OLFM2: variants seen among roughly 807,000 people sequenced by gnomAD.
OLFM2 encodes olfactomedin 2.
In OLFM2, 20 loss-of-function variants were observed where a neutral mutation model predicts 43.9. The observed-to-expected ratio is 0.46, with a 90% CI of 0.32 to 0.66. The LOEUF is 0.66. Among genes scored for constraint, OLFM2 ranks in the 30% least tolerant of loss-of-function variants. The pLI is 0.04. For synonymous variants in OLFM2, 268 were observed against 278.6 expected, an observed-to-expected ratio of 0.96 and a Z score of 0.38; for missense variants, 416 against 643.6, an observed-to-expected ratio of 0.65 and a Z score of 3.83.
intron 1 of OLFM2, among the ~76,000 whole-genome samples, chr19:9,901,487 T>C (rs1330388522): frequency 6.6e-6 from 1 of 152,140 alleles, no homozygotes; most frequent in Non-Finnish European, 1.5e-5. Context: ...GTTGGTGTGG[T>C]GAGCAGGGCT....
chr19:9,935,493 TAC>T (rs998066045), intron 1 of OLFM2, among the ~76,000 whole-genome samples: 4 of 151,854 alleles, frequency 2.6e-5, no homozygotes, highest in East Asian at 1.9e-4. Flanking sequence ...GGCACCAAGA[TAC>T]ACACACACAC....
At chr19:9,893,176 T>TC (rs2145467800) in intron 1 of OLFM2, among the ~76,000 whole-genome samples, 1 of 151,914 alleles carries the variant, frequency 6.6e-6, no homozygotes, top group Non-Finnish European at 1.5e-5. Context: ...TTTTTCTTTT[T>TC]TTTTTTGAGA....
At chr19:9,880,282 C>T (rs1157685830) in intron 1 of OLFM2, among the ~76,000 whole-genome samples, 1 of 152,178 alleles carries the variant, frequency 6.6e-6, no homozygotes, top group Non-Finnish European at 1.5e-5. Context: ...ATCCGTTCAT[C>T]CCAGAAATAT....
rs143604139 is a variant in OLFM2 at position 9,889,093 on chromosome 19, A to C, written c.64-28299T>G. 5.3e-3 allele frequency among the ~76,000 whole-genome samples: 808 copies of C among 151,602 alleles called. 2 individuals are homozygous for C. Among genetic ancestry groups the C allele is most frequent in the Admixed American group, 8.6e-3 (131 of 15,222 alleles). On this transcript the variant is annotated intron_variant, in intron 1 of 5. Transcript: ENST00000264833. ...AAAAAAAAAAACAATTCTGCACAAC[A>C]ACCATATGAGGTAGGAACTCTCGGT...
chr19:9,904,384 T>C (rs1011574778), intron 1 of OLFM2, among the ~76,000 whole-genome samples: 2 of 151,824 alleles, frequency 1.3e-5, no homozygotes, highest in Non-Finnish European at 2.9e-5. Context: ...AGAGACAGGG[T>C]TTCACCATGT....
In OLFM2 at chr19:9,857,583, C is replaced by T; in HGVS notation, c.361-101G>A. On this transcript the variant is annotated intron_variant, in intron 3 of 5. Coordinates refer to ENST00000264833, the MANE Select transcript of OLFM2 (RefSeq NM_058164.4). The surrounding 1 kb of genome is among the most constrained non-coding windows in gnomAD (Gnocchi z 5.7). ...ATAACTTCACCCTTTGTCTTTGATG[C>T]ACACCTGGCCCTTGACATGTGGCTC... 1 of 1,553,364 alleles carries T rather than the reference C, an allele frequency of 6.4e-7. No individual in the cohort carries two copies. The highest frequency in any genetic ancestry group is 8.8e-7 in the Non-Finnish European group (1 of 1,132,842).
intron 1 of OLFM2, among the ~76,000 whole-genome samples, chr19:9,930,486 T>A: frequency 6.6e-6 from 1 of 151,802 alleles, no homozygotes; most frequent in Non-Finnish European, 1.5e-5. Flanking sequence ...AGCCCAGGAG[T>A]TGGAGGCTTC....
At chr19:9,909,296 T>C (rs1208730402) in intron 1 of OLFM2, among the ~76,000 whole-genome samples, 1 of 152,106 alleles carries the variant, frequency 6.6e-6, no homozygotes, top group Non-Finnish European at 1.5e-5. Flanking sequence ...AAGATTCAGG[T>C]ATTTTACTTC....
Position 9,865,485 on chromosome 19 carries a change from C to CTTTTT in OLFM2, c.64-4696_64-4692dup, listed in dbSNP as rs71188847. Among the ~76,000 whole-genome samples, 162 of 73,638 alleles carry CTTTTT rather than the reference C, an allele frequency of 2.2e-3. 4 individuals carry two copies. The highest frequency in any genetic ancestry group is 2.6e-3 in the African/African-American group (45 of 17,446). The allele number at this position is 73,638 out of a possible 152,430, so 48.3% of individuals were successfully genotyped here. A position where few individuals can be genotyped will look rare whatever the true frequency, so the allele number is the denominator to read the frequency against. On this transcript the variant is annotated intron_variant, in intron 1 of 5. Transcript: ENST00000264833. The stretch of plus-strand genomic sequence containing the variant: ...AGTCACTGTTACCTCTCTGTTTTTT[C>CTTTTT]TTTTTTTTTTTTTTTTTTTTTTTTG...
Position 9,853,858 on chromosome 19 carries a change from A to AG in OLFM2, c.*327dup, listed in dbSNP as rs1343913671. The AG allele has an allele frequency of 2.0e-6, 1 of 506,316 alleles. No individual in the cohort carries two copies. Among genetic ancestry groups the AG allele is most frequent in the Admixed American group, 3.8e-5 (1 of 26,312 alleles). 31.4% of individuals were successfully genotyped at this position (506,316 alleles called of 1,614,324 possible). Reference sequence around the variant, plus strand: ...GATGAGGAATGGGTGGGAAGCAAGGAGGGAGGGGTGGAAGGACAGAGAGAG... The same window carrying AG: ...GATGAGGAATGGGTGGGAAGCAAGGAGGGGAGGGGTGGAAGGACAGAGAGAG... On this transcript the variant is annotated 3_prime_UTR_variant, in exon 6 of 6. Transcript: ENST00000264833.
rs1221633395 is a variant in OLFM2, at chr19:9,854,501, C to T, written c.1050G>A (p.Leu350=). ...GCATGACCTCGAGGGTGTGCGGGTC[C>T]AGCCGGCTGACCACGATGTTGCCCG... ...QNAGNIVVSR[L]DPHTLEVMRS... The change falls in exon 6 of 6, where the codon CTG becomes CTA. Residue 350 remains leucine (L), a synonymous_variant. Transcript: ENST00000264833. This position sits in a 1 kb window ranked among gnomAD's most constrained non-coding sequence, Gnocchi z 9.5. 1 of 1,613,810 alleles carries T rather than the reference C, an allele frequency of 6.2e-7. No homozygotes were observed. Among genetic ancestry groups the T allele is most frequent in the Non-Finnish European group, 8.5e-7 (1 of 1,180,042 alleles).
In OLFM2 at chr19:9,936,275, G is replaced by A. The variant is rs1195972275; in HGVS notation, c.63+29C>T. On this transcript the variant is annotated intron_variant, in intron 1 of 5. Coordinates refer to ENST00000264833, the MANE Select transcript of OLFM2 (RefSeq NM_058164.4). ...CCCCCCTCCTCTCCCGGAGCCACCC[G>A]CGCCCGCACCTGCCCGCCGGGCCCC... 4 of 1,525,830 alleles carry A rather than the reference G, an allele frequency of 2.6e-6. No individual in the cohort carries two copies. The Admixed American group carries it at 5.9e-5, about 23-fold the overall frequency. 94.5% of individuals were successfully genotyped at this position (1,525,830 alleles called of 1,614,324 possible).
At chr19:9,909,101 A>C (rs949170904) in intron 1 of OLFM2, among the ~76,000 whole-genome samples, 10 of 151,988 alleles carry the variant, frequency 6.6e-5, no homozygotes, top group Admixed American at 4.6e-4. Flanking sequence ...CTGCCTTCCA[A>C]AGCTTGAGAA....
At chr19:9,868,360 C>T (rs984358801) in intron 1 of OLFM2, among the ~76,000 whole-genome samples, 2 of 152,060 alleles carry the variant, frequency 1.3e-5, no homozygotes, top group Non-Finnish European at 2.9e-5. Context: ...CCACGCCTGG[C>T]CCAGGCTAAT....
chr19:9,902,382 CTTT>C (rs376869987), intron 1 of OLFM2, among the ~76,000 whole-genome samples: 7 of 122,650 alleles, frequency 5.7e-5, no homozygotes, highest in Non-Finnish European at 6.8e-5. Context: ...TTGCCTTCAT[CTTT>C]TTTTTTTTTT....
rs368032050 is a variant in OLFM2 at position 9,882,514 on chromosome 19, G to A, written c.64-21720C>T. Among the ~76,000 whole-genome samples the A allele has an allele frequency of 1.4e-3, 217 of 150,586 alleles. 2 individuals are homozygous for A. The Middle Eastern group carries it at 0.021, about 14-fold the overall frequency. On this transcript the variant is annotated intron_variant, in intron 1 of 5. Transcript: ENST00000264833. ...GACCGCACCACTGCACTCCAGCCTG[G>A]GCGACAGAGTGAGACTCCGTCTCAA...
At chr19:9,897,805 T>C (rs2046699526) in intron 1 of OLFM2, among the ~76,000 whole-genome samples, 1 of 152,148 alleles carries the variant, frequency 6.6e-6, no homozygotes, top group African/African-American at 2.4e-5. Flanking sequence ...TTTCTTCCCA[T>C]GGAGCATGGA....
At chr19:9,889,996 G>A (rs917480514) in intron 1 of OLFM2, among the ~76,000 whole-genome samples, 4 of 151,776 alleles carry the variant, frequency 2.6e-5, no homozygotes, top group Non-Finnish European at 4.4e-5. Flanking sequence ...GAATATTTGA[G>A]TAGTCAGAAG....
chr19:9,880,681 A>G (rs964235948), intron 1 of OLFM2, among the ~76,000 whole-genome samples: 1 of 152,216 alleles, frequency 6.6e-6, no homozygotes, highest in Non-Finnish European at 1.5e-5. Context: ...TACAGTAAGA[A>G]GGTGGCCACC....
Sources: allele counts gnomAD v4.1 joint callset (sites outside exome capture counted in the v4.1 genomes callset), GRCh38; gene constraint gnomAD v4.1.1; non-coding constraint Gnocchi (gnomAD v3.1); transcripts MANE v1.5; gene names NCBI Gene and HGNC (gene_info 2026-07-23, HGNC 2026-07-21).